Variants in VSIG10L observed in about 807,000 individuals in gnomAD.
VSIG10L encodes the protein V-set and immunoglobulin domain-containing protein 10-like.
A neutral mutation model predicts 67.3 loss-of-function variants in VSIG10L; 63 were observed. The ratio of observed to expected loss-of-function variants is 0.94; its 90% CI spans 0.76 to 1.15. The LOEUF (loss-of-function observed/expected upper bound fraction) is 1.15, where lower values mean the gene tolerates loss of function less well. Among genes scored for constraint, VSIG10L ranks in the 50% most tolerant of loss-of-function variants. The pLI is 0.00. For missense variants in VSIG10L, 1,050 were observed against 1,177.5 expected (o/e 0.89, Z 1.58); for synonymous variants, 499 against 524.9 (o/e 0.95, Z 0.67).
rs1985588020 is a variant in VSIG10L at position 51,340,072 on chromosome 19, C to T, written c.1417G>A (p.Ala473Thr). The T allele has an allele frequency of 7.0e-7, 1 of 1,433,454 alleles. No individual in the cohort carries two copies. Among genetic ancestry groups the T allele is most frequent in the Non-Finnish European group, 9.1e-7 (1 of 1,095,202 alleles). The allele number at this position is 1,433,454 out of a possible 1,614,324, so 88.8% of individuals were successfully genotyped here. A position where few individuals can be genotyped will look rare whatever the true frequency, so the allele number is the denominator to read the frequency against. ...CGGCGGCCGGTACGCGGGTTCGCCG[C>T]CAGGCAGGCGTAGGTGCCTGCGTGG... ...PGHAGTYACL[A>T]ANPRTGRRRR... The change falls in exon 4 of 10, where the codon GCG becomes ACG. Residue 473 changes from alanine (A) to threonine (T), a missense_variant. Physicochemically the swap from Ala to Thr is moderately conservative, Grantham distance 58. Transcript: ENST00000335624. The surrounding 1 kb of genome is among the most constrained non-coding windows in gnomAD (Gnocchi z 6.3).
chr19:51,333,918 G>T lies in VSIG10L; in HGVS notation c.2447C>A (p.Pro816His). 1.3e-6 allele frequency: 2 copies of T among 1,551,548 alleles called. No homozygotes were observed. Among genetic ancestry groups the T allele is most frequent in the Non-Finnish European group, 8.7e-7 (1 of 1,146,964 alleles). Residue 816 changes from proline to histidine, a missense_variant, in exon 9 of 10, where the codon CCT becomes CAT. By Grantham distance (77) the Pro-to-His change is moderately conservative. Coordinates refer to ENST00000335624, the MANE Select transcript of VSIG10L (RefSeq NM_001163922.3). ...GGTGACCACGGGGACCAAGGTAGAA[G>T]GATGCTTCTTTTTCTCAGGAGTCTT... ...RGKTPEKKKH[P>H]STLVPVVTPS... is the part of the protein sequence containing the mutation.
At position 51,340,065 on chromosome 19, in the gene VSIG10L, T is replaced by A. The variant is rs1985587955; in HGVS notation, c.1424A>T (p.Asn475Ile). ...GCGGCGGCGGCGGCCGGTACGCGGG[T>A]TCGCCGCCAGGCAGGCGTAGGTGCC... is the stretch of plus-strand genomic sequence containing the variant. ...HAGTYACLAA[N>I]PRTGRRRRSL... The change falls in exon 4 of 10, where the codon AAC becomes ATC. Residue 475 changes from asparagine to isoleucine, a missense_variant. Asn to Ile is a moderately radical substitution (Grantham distance 149, BLOSUM62 -3). This residue lies in a region of VSIG10L where 529 missense variants were observed against 584.9 expected (regional missense o/e 0.90). Transcript: ENST00000335624. The surrounding 1 kb of genome is among the most constrained non-coding windows in gnomAD (Gnocchi z 6.3). 1 of 1,433,942 alleles carries A rather than the reference T, an allele frequency of 7.0e-7. No individual in the cohort carries two copies. The highest frequency in any genetic ancestry group is 1.5e-5 in the African/African-American group (1 of 67,480). The allele number at this position is 1,433,942 out of a possible 1,614,324, so 88.8% of individuals were successfully genotyped here.
In VSIG10L at chr19:51,337,430, A is replaced by G; in HGVS notation, c.2113T>C (p.Trp705Arg). The G allele has an allele frequency of 6.4e-7, 1 of 1,551,728 alleles. No homozygotes were observed. Among genetic ancestry groups the G allele is most frequent in the Non-Finnish European group, 8.7e-7 (1 of 1,146,978 alleles). The change falls in exon 7 of 10, where the codon TGG (tryptophan) becomes CGG (arginine). Residue 705 changes from tryptophan (W) to arginine (R), a missense_variant. Trp to Arg is a moderately radical substitution (Grantham distance 101). This residue lies in a region of VSIG10L where 529 missense variants were observed against 584.9 expected (regional missense o/e 0.90). Transcript: ENST00000335624. ...CTGCCCAGAGCAGGCCCATCTGGCC[A>G]TGCCTGGATCTCAAAACTGCTGATC... is the stretch of plus-strand genomic sequence containing the variant. ...ALISSFEIQA[W>R]PDGPALGRTS...
chr19:51,335,887 G>C (rs540240100), intron 7 of VSIG10L, among the ~76,000 whole-genome samples: 6 of 152,074 alleles, frequency 3.9e-5, no homozygotes, highest in Non-Finnish European at 7.4e-5. Flanking sequence ...ACTCCAGCCT[G>C]GGTGACAGAG....
chr19:51,337,468 T>C lies in VSIG10L; in HGVS notation c.2075A>G (p.Glu692Gly). The C allele has an allele frequency of 6.4e-7, 1 of 1,551,048 alleles. No individual in the cohort carries two copies. The highest frequency in any genetic ancestry group is 1.2e-5 in the South Asian group (1 of 84,040). ...RDAAVLTWDV[E>G]RGALISSFEI... Reference sequence around the variant, plus strand: ...AAAACTGCTGATCAGGGCCCCGCGCTCCACATCCCAAGTCAGCACGGCTGC... The same window carrying C: ...AAAACTGCTGATCAGGGCCCCGCGCCCCACATCCCAAGTCAGCACGGCTGC... Residue 692 changes from glutamate (E) to glycine (G), a missense_variant, in exon 7 of 10, where the codon GAG becomes GGG. Glu to Gly is a moderately conservative substitution (Grantham distance 98). Around this residue, in one of 3 missense-constraint regions of VSIG10L, gnomAD observed 529 missense variants for 584.9 expected, o/e 0.90. Transcript: ENST00000335624.
Position 51,341,942 on chromosome 19 carries a change from C to G in VSIG10L, c.106G>C (p.Ala36Pro). The change falls in exon 2 of 10, where the codon GCC becomes CCC. Residue 36 changes from alanine to proline, a missense_variant. Physicochemically the swap from Ala to Pro is conservative, Grantham distance 27. This residue lies in a region of VSIG10L where 511 missense variants were observed against 557.9 expected (regional missense o/e 0.92). Transcript: ENST00000335624. ...GAGCTCTTTGAGTCTGAAGAGAAGG[C>G]AGAGGAGAAGTTGGTTTGCTGAAGT... ...SGLQQTNFSSAFSSDSKSSSQ... is the reference protein window; with the variant it reads ...SGLQQTNFSSPFSSDSKSSSQ... The G allele has an allele frequency of 6.4e-7, 1 of 1,551,656 alleles. No homozygotes were observed.
chr19:51,337,822 G>A lies in VSIG10L; in HGVS notation c.2008+108C>T, dbSNP rs980766600. On this transcript the variant is annotated intron_variant, in intron 6 of 9. Transcript: ENST00000335624. Reference sequence around the variant, plus strand: ...CTGAGGGAGGAGAGGCTGGGGGCCTGGATCCGAGGTCTGAGGGAGGAGAGG... The same window carrying A: ...CTGAGGGAGGAGAGGCTGGGGGCCTAGATCCGAGGTCTGAGGGAGGAGAGG... 4.4e-6 allele frequency: 6 copies of A among 1,373,776 alleles called. No homozygotes were observed. In the African/African-American group the frequency reaches 7.3e-5, roughly 17 times the overall value. The allele number at this position is 1,373,776 out of a possible 1,614,324, so 85.1% of individuals were successfully genotyped here.
chr19:51,341,822 A>T lies in VSIG10L; in HGVS notation c.226T>A (p.Ser76Thr). 1 of 1,551,440 alleles carries T rather than the reference A, an allele frequency of 6.4e-7. No homozygotes were observed. The change falls in exon 2 of 10, where the codon TCT becomes ACT. Residue 76 changes from serine to threonine, a missense_variant. By Grantham distance (58) the Ser-to-Thr change is moderately conservative. Coordinates refer to ENST00000335624, the MANE Select transcript of VSIG10L (RefSeq NM_001163922.3). ...FLDSKASAGI[S>T]DSSWFPEALS... ...GCCTCAGGAAACCAGCTGGAATCAG[A>T]GATTCCAGCAGAGGCTTTTGAATCC...
At chr19:51,339,349 C>T (rs535723704) in intron 4 of VSIG10L, among the ~76,000 whole-genome samples, 1 of 152,178 alleles carries the variant, frequency 6.6e-6, no homozygotes, top group Admixed American at 6.5e-5. Context: ...GCCCAACTTT[C>T]TTAAGAAAAC....
chr19:51,341,730 C>A lies in VSIG10L; in HGVS notation c.318G>T (p.Pro106=). Residue 106 remains proline, a synonymous_variant, in exon 2 of 10, where the codon CCG becomes CCT. Transcript: ENST00000335624. The part of the protein sequence containing the change: ...NVSAEGQDLS[P]VSPFSETPGS... ...CAGGGGTTTCAGAGAAGGGGGAAAC[C>A]GGGCTCAAATCTTGGCCCTCAGCAG... is the stretch of plus-strand genomic sequence containing the variant. The A allele has an allele frequency of 1.3e-6, 2 of 1,551,604 alleles. No individual in the cohort carries two copies. The highest frequency in any genetic ancestry group is 1.7e-6 in the Non-Finnish European group (2 of 1,146,954).
At position 51,340,887 on chromosome 19, in the gene VSIG10L, T is replaced by C. The variant is rs151027539; in HGVS notation, c.896-161A>G. On this transcript the variant is annotated intron_variant, in intron 2 of 9. Transcript: ENST00000335624. The surrounding 1 kb of genome is among the most constrained non-coding windows in gnomAD (Gnocchi z 6.3). ...TGAGTTTGAGCCCCCAGACACCTCC[T>C]CTCCGGGACCCAGGAGTTCGCCAGA... Among the ~76,000 whole-genome samples the C allele has an allele frequency of 1.1e-4, 16 of 152,138 alleles. No individual in the cohort carries two copies. Among genetic ancestry groups the C allele is most frequent in the Admixed American group, 3.9e-4 (6 of 15,302 alleles).
chr19:51,332,288 C>T lies in VSIG10L; in HGVS notation c.*323G>A. On this transcript the variant is annotated 3_prime_UTR_variant, in exon 10 of 10. Transcript: ENST00000335624. Reference sequence around the variant, plus strand: ...TTTTCAGAGAACATGGCCAAGCTCCCTCTCTAGCTCAGAGCAACACAGCAA... The same window carrying T: ...TTTTCAGAGAACATGGCCAAGCTCCTTCTCTAGCTCAGAGCAACACAGCAA... The T allele has an allele frequency of 2.3e-6, 1 of 435,500 alleles. No individual in the cohort carries two copies. Among genetic ancestry groups the T allele is most frequent in the African/African-American group, 2.0e-5 (1 of 49,716 alleles). The allele number at this position is 435,500 out of a possible 1,614,324, so 27.0% of individuals were successfully genotyped here.
Position 51,332,212 on chromosome 19 carries a change from G to A in VSIG10L, c.*399C>T, listed in dbSNP as rs1201489814. On this transcript the variant is annotated 3_prime_UTR_variant, in exon 10 of 10. Coordinates refer to ENST00000335624, the MANE Select transcript of VSIG10L (RefSeq NM_001163922.3). ...GATCTGTTTTAAGATGAAGATGCTG[G>A]GAGCTGGATGGGGTGTGGCCTACAG... 2 of 332,124 alleles carry A rather than the reference G, an allele frequency of 6.0e-6. No homozygotes were observed. Among genetic ancestry groups the A allele is most frequent in the East Asian group, 7.8e-5 (1 of 12,816 alleles). The allele number at this position is 332,124 out of a possible 1,614,324, so 20.6% of individuals were successfully genotyped here.
In VSIG10L at chr19:51,332,246, G is replaced by A. The variant is rs1484218562; in HGVS notation, c.*365C>T. ...TGGGGTGTGGCCTACAGGTGGCAAAGTGAATGTAAGGGGACCTTTTCAGAG... is the reference window on the plus strand; with the variant it reads ...TGGGGTGTGGCCTACAGGTGGCAAAATGAATGTAAGGGGACCTTTTCAGAG... On this transcript the variant is annotated 3_prime_UTR_variant, in exon 10 of 10. Coordinates refer to ENST00000335624, the MANE Select transcript of VSIG10L (RefSeq NM_001163922.3). 2 of 372,028 alleles carry A rather than the reference G, an allele frequency of 5.4e-6. No homozygotes were observed. The highest frequency in any genetic ancestry group is 3.8e-5 in the Admixed American group (1 of 26,032). 23.0% of individuals were successfully genotyped at this position (372,028 alleles called of 1,614,324 possible). A position where few individuals can be genotyped will look rare whatever the true frequency, so the allele number is the denominator to read the frequency against.
rs1382184596 is a variant in VSIG10L, at chr19:51,341,388, G to A, written c.660C>T (p.Pro220=). The A allele has an allele frequency of 6.5e-7, 1 of 1,535,594 alleles. No homozygotes were observed. The highest frequency in any genetic ancestry group is 8.8e-7 in the Non-Finnish European group (1 of 1,141,862). ...PLVPIPNPGP[P]TSLVVWRRGS... The stretch of plus-strand genomic sequence containing the variant: ...CCCGGCGCCAGACCACCAGAGAGGT[G>A]GGGGGCCCAGGGTTGGGGATTGGGA... Residue 220 remains proline (P), a synonymous_variant, in exon 2 of 10, where the codon CCC becomes CCT. Coordinates refer to ENST00000335624, the MANE Select transcript of VSIG10L (RefSeq NM_001163922.3).
In VSIG10L at chr19:51,333,908, C is replaced by G; in HGVS notation, c.2457G>C (p.Leu819Phe). The G allele has an allele frequency of 6.4e-7, 1 of 1,551,630 alleles. No homozygotes were observed. ...TPEKKKHPST[L>F]VPVVTPSEKK... ...TTTCTGAGGGGGTGACCACGGGGACCAAGGTAGAAGGATGCTTCTTTTTCT... is the reference window on the plus strand; with the variant it reads ...TTTCTGAGGGGGTGACCACGGGGACGAAGGTAGAAGGATGCTTCTTTTTCT... The change falls in exon 9 of 10, where the codon TTG becomes TTC. Residue 819 changes from leucine (L) to phenylalanine (F), a missense_variant. This residue lies in a region of VSIG10L where 529 missense variants were observed against 584.9 expected (regional missense o/e 0.90). Coordinates refer to ENST00000335624, the MANE Select transcript of VSIG10L (RefSeq NM_001163922.3).
At position 51,334,077 on chromosome 19, in the gene VSIG10L, C is replaced by T. The variant is rs190680034; in HGVS notation, c.2419+114G>A. Reference sequence around the variant, plus strand: ...ATTGGCTGATTTGGAGGTAGGAGGGCAGGATGGATGACCTATGACGGCACT... The same window carrying T: ...ATTGGCTGATTTGGAGGTAGGAGGGTAGGATGGATGACCTATGACGGCACT... On this transcript the variant is annotated intron_variant, in intron 8 of 9. Transcript: ENST00000335624. 4.1e-4 allele frequency: 598 copies of T among 1,466,272 alleles called. 2 individuals carry two copies. In the African/African-American group the frequency reaches 6.1e-3, roughly 15 times the overall value. 90.8% of individuals were successfully genotyped at this position (1,466,272 alleles called of 1,614,324 possible). A position where few individuals can be genotyped will look rare whatever the true frequency, so the allele number is the denominator to read the frequency against.
Position 51,341,520 on chromosome 19 carries a change from G to A in VSIG10L, c.528C>T (p.Ser176=). 1 of 1,551,534 alleles carries A rather than the reference G, an allele frequency of 6.4e-7. No individual in the cohort carries two copies. The highest frequency in any genetic ancestry group is 8.7e-7 in the Non-Finnish European group (1 of 1,146,958). Residue 176 remains serine, a synonymous_variant, in exon 2 of 10, where the codon AGC becomes AGT. Transcript: ENST00000335624. The stretch of plus-strand genomic sequence containing the variant: ...TCTCTGCAGAAAATTTGGATTCAGG[G>A]CTCTGGGCAGAGAGTTTAAGATCCA... ...DDMDLKLSAQ[S]PESKFSAETH...
intron 2 of VSIG10L, 35 bp downstream of exon 2, chr19:51,341,118 T>G (rs1178966281): frequency 6.8e-7 from 1 of 1,475,256 alleles, no homozygotes; most frequent in Non-Finnish European, 9.0e-7. Context: ...GAGCAGCCCC[T>G]GCCGCCTGCA....
Sources: gnomAD v4.1 joint callset for allele counts (sites outside exome capture counted in the v4.1 genomes callset) on GRCh38, gnomAD v4.1.1 for gene constraint, gnomAD v4.1.1 regional missense constraint, Gnocchi (gnomAD v3.1) non-coding constraint, MANE v1.5 for transcripts, NCBI Gene and HGNC (gene_info 2026-07-23, HGNC 2026-07-21) for gene names.